The following TMEM45A variants were observed in gnomAD, a reference collection of about 807,000 sequenced individuals.
TMEM45A encodes the protein transmembrane protein 45A, also known as DNA polymerase-transactivated protein 4.
Under a neutral mutation model 32.0 loss-of-function variants are expected in TMEM45A, and 25 were observed. That is an observed-to-expected ratio of 0.78 (90% CI 0.57 to 1.09). The LOEUF (loss-of-function observed/expected upper bound fraction) is 1.09. TMEM45A is among the 50% of genes least tolerant of loss of function. TMEM45A has a pLI of 0.00. For synonymous variants in TMEM45A, 122 were observed against 114.8 expected (o/e 1.06, Z -0.40); for missense variants, 302 against 325.0 (o/e 0.93, Z 0.54).
chr3:100,568,860 A>G lies in TMEM45A; in HGVS notation c.627A>G (p.Ala209=), dbSNP rs6806901. The change falls in exon 5 of 6, where the codon GCA becomes GCG. Residue 209 remains alanine (A), a synonymous_variant. Transcript: ENST00000323523. ...TGTATCCCCCCAGTGGAGGTCCTGC[A>G]TGGGATCTGATGGATCATGAAAATA... ...FVLYPPSGGP[A]WDLMDHENIL... is the part of the protein sequence containing the mutation. 0.014 allele frequency: 22,584 copies of G among 1,613,612 alleles called. 2,508 individuals carry two copies. In the African/African-American group the frequency reaches 0.25, roughly 18 times the overall value.
intron 1 of TMEM45A, among the ~76,000 whole-genome samples, chr3:100,499,466 C>T (rs945230086): frequency 6.6e-6 from 1 of 152,166 alleles, no homozygotes; most frequent in African/African-American, 2.4e-5. Flanking sequence ...ATGTTTGTCT[C>T]TATGTAGATA....
chr3:100,527,915 G>C (rs751354622), intron 1 of TMEM45A, among the ~76,000 whole-genome samples: 18 of 152,342 alleles, frequency 1.2e-4, no homozygotes, highest in Non-Finnish European at 2.6e-4. Context: ...GATAAGACTG[G>C]TGTTGCTTGA....
intron 1 of TMEM45A, among the ~76,000 whole-genome samples, chr3:100,514,159 C>G (rs1344880172): frequency 6.6e-6 from 1 of 152,180 alleles, no homozygotes; most frequent in Non-Finnish European, 1.5e-5. Flanking sequence ...AAAGAGCCCG[C>G]ATTGCCAAGT....
At position 100,509,477 on chromosome 3, in the gene TMEM45A, T is replaced by C. The variant is rs1708123888; in HGVS notation, c.-4+16549T>C. On this transcript the variant is annotated intron_variant, in intron 1 of 5. Coordinates refer to ENST00000323523, the MANE Select transcript of TMEM45A (RefSeq NM_018004.3). ...GAAATCAGTATATCAAGGGGATACC[T>C]GTACTCCCATGTTTATTGCAGCACT... Among the ~76,000 whole-genome samples, 3 of 152,264 alleles carry C rather than the reference T, an allele frequency of 2.0e-5. No homozygotes were observed. In the South Asian group the frequency reaches 6.2e-4, roughly 31 times the overall value.
intron 1 of TMEM45A, among the ~76,000 whole-genome samples, chr3:100,514,452 T>G (rs1233197764): frequency 2.0e-5 from 3 of 152,154 alleles, no homozygotes; most frequent in South Asian, 2.1e-4. Flanking sequence ...GATCCCTTCC[T>G]TACACCTTAT....
At chr3:100,552,659 A>G (rs747042203) in intron 1 of TMEM45A, among the ~76,000 whole-genome samples, 3 of 152,188 alleles carry the variant, frequency 2.0e-5, no homozygotes, top group African/African-American at 7.2e-5. Flanking sequence ...GGTTGATAAG[A>G]TGATTAGTTC....
At chr3:100,537,406 C>T (rs1489024887) in intron 1 of TMEM45A, among the ~76,000 whole-genome samples, 1 of 152,164 alleles carries the variant, frequency 6.6e-6, no homozygotes, top group Non-Finnish European at 1.5e-5. Context: ...CAAATCATTT[C>T]CTTGTTTTTG....
intron 1 of TMEM45A, among the ~76,000 whole-genome samples, chr3:100,502,370 G>A (rs1334041419): frequency 3.9e-5 from 6 of 152,106 alleles, no homozygotes; most frequent in Non-Finnish European, 8.8e-5. Context: ...ATGGCAGAAT[G>A]TTAAAGGCAG....
At chr3:100,557,256 T>C (rs1036683055) in intron 3 of TMEM45A, among the ~76,000 whole-genome samples, 1 of 152,348 alleles carries the variant, frequency 6.6e-6, no homozygotes, top group Middle Eastern at 3.4e-3. Context: ...TCTGGGTTGT[T>C]CTGAAGATTA....
At chr3:100,535,924 T>G (rs1240413387) in intron 1 of TMEM45A, among the ~76,000 whole-genome samples, 2 of 152,208 alleles carry the variant, frequency 1.3e-5, no homozygotes, top group African/African-American at 4.8e-5. Flanking sequence ...GTTACATTCT[T>G]TTTTCCTAAG....
At chr3:100,505,206 A>G (rs1020389673) in intron 1 of TMEM45A, among the ~76,000 whole-genome samples, 11 of 152,130 alleles carry the variant, frequency 7.2e-5, no homozygotes, top group Admixed American at 2.0e-4. Flanking sequence ...TCTTGTGTGG[A>G]GGCACCCGGG....
intron 5 of TMEM45A, among the ~76,000 whole-genome samples, chr3:100,570,329 G>A (rs1706533155): frequency 6.6e-6 from 1 of 152,204 alleles, no homozygotes; most frequent in Middle Eastern, 3.2e-3. Flanking sequence ...CTCCTGCTCT[G>A]TGCTTCTTTG....
chr3:100,539,120 C>G (rs1412513833), intron 1 of TMEM45A, among the ~76,000 whole-genome samples: 1 of 152,088 alleles, frequency 6.6e-6, no homozygotes, highest in East Asian at 1.9e-4. Context: ...TATGGACAGA[C>G]AAAGGACCCA....
chr3:100,511,609 A>G (rs556401534), intron 1 of TMEM45A, among the ~76,000 whole-genome samples: 13 of 152,192 alleles, frequency 8.5e-5, no homozygotes, highest in African/African-American at 3.1e-4. Context: ...ACAGGATCAA[A>G]TTCACACATA....
intron 1 of TMEM45A, among the ~76,000 whole-genome samples, chr3:100,539,484 T>TGTATAC (rs1355750803): frequency 8.9e-6 from 1 of 112,110 alleles, no homozygotes; most frequent in South Asian, 3.1e-4. Context: ...TATATGTATA[T>TGTATAC]GTATATGTAT....
At chr3:100,497,587 C>T (rs1317828190) in intron 1 of TMEM45A, among the ~76,000 whole-genome samples, 2 of 152,252 alleles carry the variant, frequency 1.3e-5, no homozygotes, top group East Asian at 3.9e-4. Flanking sequence ...GCTTCTGGAA[C>T]CAATATTCTA....
chr3:100,513,573 T>G (rs7651984), intron 1 of TMEM45A, among the ~76,000 whole-genome samples: 44,951 of 146,834 alleles, frequency 0.31, 9,846 homozygotes, highest in African/African-American at 0.62. Context: ...CACAAGACAG[T>G]GATGCCCTCT....
At chr3:100,550,101 C>T (rs1343543901) in intron 1 of TMEM45A, among the ~76,000 whole-genome samples, 4 of 147,392 alleles carry the variant, frequency 2.7e-5, no homozygotes, top group East Asian at 2.0e-4. Flanking sequence ...TGCTAGATGA[C>T]GAGTTAGTGG....
chr3:100,541,664 G>A (rs2148967310), intron 1 of TMEM45A, among the ~76,000 whole-genome samples: 1 of 151,652 alleles, frequency 6.6e-6, no homozygotes, highest in South Asian at 2.1e-4. Flanking sequence ...TGTGTAGCTG[G>A]TACTATAGGC....
Sources: allele counts gnomAD v4.1 joint callset (sites outside exome capture counted in the v4.1 genomes callset), GRCh38; gene constraint gnomAD v4.1.1; transcripts MANE v1.5; gene names NCBI Gene and HGNC (gene_info 2026-07-23, HGNC 2026-07-21).